MUC4: variants seen among roughly 807,000 people sequenced by gnomAD.
The protein encoded by MUC4 is mucin-4.
MUC4 carries 202 observed loss-of-function variants against 257.9 expected under a neutral mutation model. That is an observed-to-expected ratio of 0.78 (90% CI 0.70 to 0.88). MUC4 has a LOEUF of 0.88. Ranked by LOEUF, MUC4 falls within the 40% of genes least tolerant of loss-of-function variation. The pLI is 0.00. For synonymous variants in MUC4, 2,351 were observed against 2,757.1 expected, an observed-to-expected ratio of 0.85 and a Z score of 4.62; for missense variants, 5,976 against 6,513.7, an observed-to-expected ratio of 0.92 and a Z score of 2.84.
Position 195,782,254 on chromosome 3 carries a change from C to G in MUC4, c.9326G>C (p.Ser3109Thr). The change falls in exon 2 of 25, where the codon AGC (serine) becomes ACC (threonine). Residue 3109 changes from serine to threonine, a missense_variant. This residue lies in a region of MUC4 where 128 missense variants were observed against 104.8 expected (regional missense o/e 1.22). Coordinates refer to ENST00000463781, the MANE Select transcript of MUC4 (RefSeq NM_018406.7). ...TGDTTPLPVT[S>T]PSSASTGHTT... ...GTGACCTGTGGATGCTGAGGAAGGG[C>G]TAGTGACAGGAAGAGGCGTGGTGTC... The G allele has an allele frequency of 3.7e-6, 5 of 1,351,532 alleles. No homozygotes were observed. The highest frequency in any genetic ancestry group is 4.9e-6 in the Non-Finnish European group (5 of 1,016,182). 83.7% of individuals were successfully genotyped at this position (1,351,532 alleles called of 1,614,324 possible).
chr3:195,803,221 G>A (rs542532634), intron 1 of MUC4, among the ~76,000 whole-genome samples: 4 of 152,342 alleles, frequency 2.6e-5, no homozygotes, highest in East Asian at 1.9e-4. Context: ...CCAGAGGTCC[G>A]GACGGACTGG....
At chr3:195,758,307 G>A (rs1001478293) in intron 17 of MUC4, among the ~76,000 whole-genome samples, 8 of 152,074 alleles carry the variant, frequency 5.3e-5, no homozygotes, top group African/African-American at 1.9e-4. Flanking sequence ...CACTCTACTG[G>A]GTCCTAGCCC....
At chr3:195,804,815 T>C (rs955862485) in intron 1 of MUC4, among the ~76,000 whole-genome samples, 1 of 152,236 alleles carries the variant, frequency 6.6e-6, no homozygotes, top group Non-Finnish European at 1.5e-5. Flanking sequence ...TATTTGTGTA[T>C]CAGCCCAGAA....
Position 195,789,483 on chromosome 3 carries a change from G to A in MUC4, c.2097C>T (p.Pro699=), listed in dbSNP as rs1733577549. ...CCTGGGTTGTGTGACCATCCCCGGT[G>A]GGAGCTGGGGCAAAGGTTGTTGCTG... The part of the protein sequence containing the change: ...ISAATTFAPA[P]TGDGHTTQAP... The change falls in exon 2 of 25, where the codon CCC becomes CCT. Residue 699 remains proline (P), a synonymous_variant. Coordinates refer to ENST00000463781, the MANE Select transcript of MUC4 (RefSeq NM_018406.7). The A allele has an allele frequency of 6.2e-7, 1 of 1,613,852 alleles. No individual in the cohort carries two copies. The highest frequency in any genetic ancestry group is 8.5e-7 in the Non-Finnish European group (1 of 1,179,882).
In MUC4 at chr3:195,757,672, A is replaced by G. The variant is rs1717932020; in HGVS notation, c.14987-344T>C. On this transcript the variant is annotated intron_variant, in intron 17 of 24. Coordinates refer to ENST00000463781, the MANE Select transcript of MUC4 (RefSeq NM_018406.7). The surrounding 1 kb of genome is among the most constrained non-coding windows in gnomAD (Gnocchi z 4.8). The stretch of plus-strand genomic sequence containing the variant: ...GGATCAAGGCCAGGATCCTCCAGAC[A>G]CCTCCCCAGGCTGCGCTGCCGGCCA... 4.0e-5 allele frequency among the ~76,000 whole-genome samples: 6 copies of G among 151,724 alleles called. No individual in the cohort carries two copies.
intron 1 of MUC4, among the ~76,000 whole-genome samples, chr3:195,809,187 G>C (rs1051694554): frequency 1.5e-4 from 23 of 152,190 alleles, no homozygotes; most frequent in African/African-American, 5.6e-4. Flanking sequence ...TTTAACCCTT[G>C]AGAGCCAGGG....
intron 1 of MUC4, among the ~76,000 whole-genome samples, chr3:195,799,235 G>GTGTGTGTGTA (rs1230723060): frequency 3.3e-5 from 3 of 91,140 alleles, no homozygotes; most frequent in African/African-American, 9.9e-5. Flanking sequence ...GACACTGTGT[G>GTGTGTGTGTA]TGTGTGTGTG....
rs1411433818 is a variant in MUC4, at chr3:195,779,088, G to A, written c.12492C>T (p.Thr4164=). The change falls in exon 2 of 25, where the codon ACC becomes ACT. Residue 4164 remains threonine (T), a synonymous_variant. Coordinates refer to ENST00000463781, the MANE Select transcript of MUC4 (RefSeq NM_018406.7). ...GACCTGTGGACACTGAGGAAGCGTC[G>A]GTGACAGGAAGAGAGGTGGTGTGAC... ...SSGHTTSLPV[T]DASSVSTGHG... 2.3e-5 allele frequency: 34 copies of A among 1,458,244 alleles called. 4 individuals are homozygous for A. The highest frequency in any genetic ancestry group is 5.7e-5 in the East Asian group (2 of 35,376). 90.3% of individuals were successfully genotyped at this position (1,458,244 alleles called of 1,614,324 possible).
rs1276088741 is a variant in MUC4, at chr3:195,747,318, A to C, written c.16097T>G (p.Leu5366Arg). Residue 5366 changes from leucine (L) to arginine (R), a missense_variant, in exon 25 of 25, where the codon CTC (leucine) becomes CGC (arginine). This residue lies in a region of MUC4 where 310 missense variants were observed against 242.1 expected (regional missense o/e 1.28). Coordinates refer to ENST00000463781, the MANE Select transcript of MUC4 (RefSeq NM_018406.7). ...GEHCEHLSMK[L>R]DAFFGIFFGA... ...AAAGAAGATGCCGAAGAACGCGTCGAGTTTCATGCTCAGGTGCTCACAGTG... is the reference window on the plus strand; with the variant it reads ...AAAGAAGATGCCGAAGAACGCGTCGCGTTTCATGCTCAGGTGCTCACAGTG... 6.2e-7 allele frequency: 1 copy of C among 1,614,128 alleles called. No homozygotes were observed. Among genetic ancestry groups the C allele is most frequent in the Non-Finnish European group, 8.5e-7 (1 of 1,179,936 alleles).
At chr3:195,774,683 C>T (rs1033122417) in intron 3 of MUC4, among the ~76,000 whole-genome samples, 7 of 152,028 alleles carry the variant, frequency 4.6e-5, no homozygotes, top group South Asian at 2.1e-4. Flanking sequence ...GGGAGGATCA[C>T]GAGGTCAGGA....
chr3:195,781,332 T>G lies in MUC4; in HGVS notation c.10248A>C (p.Ser3416=). 1.3e-6 allele frequency: 2 copies of G among 1,504,672 alleles called. No homozygotes were observed. The highest frequency in any genetic ancestry group is 1.8e-6 in the Non-Finnish European group (2 of 1,118,428). The allele number at this position is 1,504,672 out of a possible 1,614,324, so 93.2% of individuals were successfully genotyped here. A position where few individuals can be genotyped will look rare whatever the true frequency, so the allele number is the denominator to read the frequency against. The part of the protein sequence containing the change: ...TMPLPVTSPS[S]ASTGHATPLP... ...GAGGGGTGGCGTGACCTGTGGATGC[T>G]GAGGAAGGGCTAGTGACAGGAAGAG... The change falls in exon 2 of 25, where the codon TCA becomes TCC. Residue 3416 remains serine (S), a synonymous_variant. Coordinates refer to ENST00000463781, the MANE Select transcript of MUC4 (RefSeq NM_018406.7).
At chr3:195,804,513 G>A (rs1364813146) in intron 1 of MUC4, among the ~76,000 whole-genome samples, 1 of 152,264 alleles carries the variant, frequency 6.6e-6, no homozygotes. Flanking sequence ...TGTGGGTTGA[G>A]GCTTATTCCT....
Position 195,766,745 on chromosome 3 carries a change from A to G in MUC4, c.13536T>C (p.Asp4512=). The stretch of plus-strand genomic sequence containing the variant: ...TCAGTGGGCTGTTTTCGAAATAGCC[A>G]TCTCCACTGCAGGAAAGGAGAGACT... ...NPVLMGFSSG[D]GYFENSPLMS... is the part of the protein sequence containing the mutation. The change falls in exon 8 of 25, where the codon GAT becomes GAC. Residue 4512 remains aspartate, a synonymous_variant. Coordinates refer to ENST00000463781, the MANE Select transcript of MUC4 (RefSeq NM_018406.7). 2.5e-6 allele frequency: 4 copies of G among 1,614,048 alleles called. No homozygotes were observed. The highest frequency in any genetic ancestry group is 2.2e-5 in the East Asian group (1 of 44,880).
At chr3:195,804,202 C>G (rs190663530) in intron 1 of MUC4, among the ~76,000 whole-genome samples, 1 of 152,210 alleles carries the variant, frequency 6.6e-6, no homozygotes, top group African/African-American at 2.4e-5. Flanking sequence ...TCTGCCATCA[C>G]GTCAGCCAGA....
At position 195,778,210 on chromosome 3, in the gene MUC4, C is replaced by A. The variant is rs1205962841; in HGVS notation, c.12943+93G>T. The stretch of plus-strand genomic sequence containing the variant: ...CTGTCCTCGGTAAGGCCCTCCCCAC[C>A]CGAGAGAGCGGAGACTGTGGGAAGT... On this transcript the variant is annotated intron_variant, in intron 3 of 24. Transcript: ENST00000463781. 1.2e-5 allele frequency: 18 copies of A among 1,444,842 alleles called. No homozygotes were observed. In the Admixed American group the frequency reaches 4.4e-4, roughly 35 times the overall value. The allele number at this position is 1,444,842 out of a possible 1,614,324, so 89.5% of individuals were successfully genotyped here.
intron 17 of MUC4, 31 bp downstream of exon 17, chr3:195,759,093 C>A: frequency 6.2e-7 from 1 of 1,611,798 alleles, no homozygotes; most frequent in Non-Finnish European, 8.5e-7. Context: ...ACCCACCTCC[C>A]CACTCTCCCC....
Position 195,762,851 on chromosome 3 carries a change from C to G in MUC4, c.14344+4G>C. ...GAGGGGGCGGCCGGCGCTCCCCAAC[C>G]TACCTCCGCCGTCTTCATGGTCAGG... is the stretch of plus-strand genomic sequence containing the variant. On this transcript the variant is annotated splice_donor_region_variant and intron_variant, in intron 13 of 24. Coordinates refer to ENST00000463781, the MANE Select transcript of MUC4 (RefSeq NM_018406.7). 1 of 1,554,508 alleles carries G rather than the reference C, an allele frequency of 6.4e-7. No individual in the cohort carries two copies. Among genetic ancestry groups the G allele is most frequent in the Non-Finnish European group, 8.7e-7 (1 of 1,151,162 alleles).
chr3:195,786,501 G>C lies in MUC4; in HGVS notation c.5079C>G (p.Asp1693Glu). Residue 1693 changes from aspartate to glutamate, a missense_variant, in exon 2 of 25, where the codon GAC (aspartate) becomes GAG (glutamate). Physicochemically the swap from Asp to Glu is conservative, Grantham distance 45. This residue lies in a region of MUC4 where 138 missense variants were observed against 107.8 expected (regional missense o/e 1.28). Transcript: ENST00000463781. ...VTGLSSATTD[D>E]TTRLPVTDVS... ...CGTCGGTGACAGGAAGACGGGTGGT[G>C]TCATCTGTGGTAGCTGAGGAAAGGC... is the stretch of plus-strand genomic sequence containing the variant. 6.6e-7 allele frequency: 1 copy of C among 1,514,012 alleles called. No individual in the cohort carries two copies. Among genetic ancestry groups the C allele is most frequent in the Non-Finnish European group, 8.9e-7 (1 of 1,126,820 alleles). The allele number at this position is 1,514,012 out of a possible 1,614,324, so 93.8% of individuals were successfully genotyped here. A position where few individuals can be genotyped will look rare whatever the true frequency, so the allele number is the denominator to read the frequency against.
intron 1 of MUC4, among the ~76,000 whole-genome samples, chr3:195,804,405 G>A (rs1043085913): frequency 1.3e-5 from 2 of 152,242 alleles, no homozygotes; most frequent in African/African-American, 2.4e-5. Context: ...CTCGGGAGAA[G>A]GAGTGGCAGC....
Sources: gnomAD v4.1 joint callset for allele counts (sites outside exome capture counted in the v4.1 genomes callset) on GRCh38, gnomAD v4.1.1 for gene constraint, gnomAD v4.1.1 regional missense constraint, Gnocchi (gnomAD v3.1) non-coding constraint, MANE v1.5 for transcripts, NCBI Gene and HGNC (gene_info 2026-07-23, HGNC 2026-07-21) for gene names.